ITGA9: variants seen among roughly 807,000 people sequenced by gnomAD.
ITGA9 encodes integrin subunit alpha 9.
A neutral mutation model predicts 127.8 loss-of-function variants in ITGA9; 56 were observed. That is an observed-to-expected ratio of 0.44 (90% confidence interval 0.35 to 0.55). The LOEUF (loss-of-function observed/expected upper bound fraction) is 0.55, where lower values mean the gene tolerates loss of function less well. ITGA9 is among the 20% of genes least tolerant of loss of function. ITGA9 has a pLI of 0.00. For synonymous variants in ITGA9, 508 were observed against 514.5 expected (o/e 0.99, Z 0.17); for missense variants, 1,196 against 1,347.1 (o/e 0.89, Z 1.76).
intron 17 of ITGA9, among the ~76,000 whole-genome samples, chr3:37,672,975 A>G (rs1417337753): frequency 6.6e-6 from 1 of 152,002 alleles, no homozygotes; most frequent in Non-Finnish European, 1.5e-5. Flanking sequence ...AATATTTGCC[A>G]CAATCTCTAG....
chr3:37,741,435 C>G (rs192232222), intron 20 of ITGA9, among the ~76,000 whole-genome samples: 4 of 152,316 alleles, frequency 2.6e-5, no homozygotes, highest in East Asian at 1.9e-4. Context: ...GTATGGCATG[C>G]CTTTATTGTC....
intron 23 of ITGA9, among the ~76,000 whole-genome samples, chr3:37,773,983 G>A (rs1035199344): frequency 6.6e-6 from 1 of 152,064 alleles, no homozygotes; most frequent in Non-Finnish European, 1.5e-5. Flanking sequence ...GAGATTGATG[G>A]GTTTCATTTC....
At chr3:37,495,241 C>T (rs2125565859) in intron 5 of ITGA9, among the ~76,000 whole-genome samples, 1 of 152,306 alleles carries the variant, frequency 6.6e-6, no homozygotes, top group East Asian at 1.9e-4. Context: ...GCTGAGCCAC[C>T]ACACCCGGCC....
chr3:37,542,755 C>T (rs1699287241), intron 15 of ITGA9, among the ~76,000 whole-genome samples, 170 bp downstream of exon 15: 1 of 152,108 alleles, frequency 6.6e-6, no homozygotes, highest in South Asian at 2.1e-4. Flanking sequence ...TCTGACAGCC[C>T]TTTTATTTAT....
At position 37,823,056 on chromosome 3, in the gene ITGA9, G is replaced by A. The variant is rs1371055708; in HGVS notation, c.*4067G>A. The A allele has an allele frequency of 6.6e-6, 1 of 152,176 alleles. No individual in the cohort carries two copies. The highest frequency in any genetic ancestry group is 1.5e-5 in the Non-Finnish European group (1 of 68,026). The allele number at this position is 152,176 out of a possible 1,614,324, so 9.4% of individuals were successfully genotyped here. ...GAGAATATTCAAAGAGTGGCTGAAGGGAGAATACAGAGCCAGTAGGGCCAA... is the reference window on the plus strand; with the variant it reads ...GAGAATATTCAAAGAGTGGCTGAAGAGAGAATACAGAGCCAGTAGGGCCAA... On this transcript the variant is annotated 3_prime_UTR_variant, in exon 28 of 28. Coordinates refer to ENST00000264741, the MANE Select transcript of ITGA9 (RefSeq NM_002207.3).
chr3:37,523,720 A>G lies in ITGA9; in HGVS notation c.1327+109A>G, dbSNP rs149226108. The G allele has an allele frequency of 3.9e-5, 32 of 812,418 alleles. No homozygotes were observed. In the African/African-American group the frequency reaches 4.6e-4, roughly 12 times the overall value. The allele number at this position is 812,418 out of a possible 1,614,324, so 50.3% of individuals were successfully genotyped here. A position where few individuals can be genotyped will look rare whatever the true frequency, so the allele number is the denominator to read the frequency against. ...ATCACATCCATTTAGGATTAGGACA[A>G]TTCACACAATAGAATAGGGTGTTTT... On this transcript the variant is annotated intron_variant, in intron 12 of 27. Transcript: ENST00000264741.
intron 11 of ITGA9, among the ~76,000 whole-genome samples, chr3:37,523,309 G>T (rs902176910): frequency 1.3e-5 from 2 of 152,068 alleles, no homozygotes; most frequent in African/African-American, 4.8e-5. Context: ...AATTTTAAAT[G>T]ATGACGTTTG....
chr3:37,453,741 A>G (rs545278074), intron 1 of ITGA9, among the ~76,000 whole-genome samples: 25 of 152,318 alleles, frequency 1.6e-4, no homozygotes, highest in South Asian at 1.2e-3. Context: ...TGTATTGGAC[A>G]GAGGCTGATG....
At chr3:37,759,872 C>T (rs1053174523) in intron 23 of ITGA9, among the ~76,000 whole-genome samples, 10 of 149,110 alleles carry the variant, frequency 6.7e-5, no homozygotes, top group African/African-American at 2.5e-4. Flanking sequence ...CCACTGCACT[C>T]CAGCCTGAAT....
At chr3:37,674,697 T>C (rs750147624) in intron 17 of ITGA9, among the ~76,000 whole-genome samples, 9 of 152,176 alleles carry the variant, frequency 5.9e-5, no homozygotes, top group Non-Finnish European at 1.2e-4. Flanking sequence ...AGAGAACTGG[T>C]ACAGCTCCCC....
Position 37,716,857 on chromosome 3 carries a change from A to G in ITGA9, c.2068-15855A>G, listed in dbSNP as rs990815957. ...CTTGGAAGGCAAAGCCTGTCTCCCT[A>G]TATTGTTCTTAAAAATACAAAAGGG... On this transcript the variant is annotated intron_variant, in intron 18 of 27. Transcript: ENST00000264741. Among the ~76,000 whole-genome samples, 3 of 152,226 alleles carry G rather than the reference A, an allele frequency of 2.0e-5. No homozygotes were observed. In the South Asian group the frequency reaches 6.2e-4, roughly 32 times the overall value.
At chr3:37,662,298 G>A (rs1700543714) in intron 17 of ITGA9, among the ~76,000 whole-genome samples, 1 of 152,108 alleles carries the variant, frequency 6.6e-6, no homozygotes, top group African/African-American at 2.4e-5. Context: ...AGCTACTCGG[G>A]AGGCTGAGGT....
In ITGA9 at chr3:37,533,357, G is replaced by A. The variant is rs776383720; in HGVS notation, c.1417G>A (p.Gly473Ser). 28 of 1,614,150 alleles carry A rather than the reference G, an allele frequency of 1.7e-5. No individual in the cohort carries two copies. The South Asian group carries it at 1.9e-4, about 11-fold the overall frequency. ...ITVDVSIFLP[G>S]SINITAPQCH... The stretch of plus-strand genomic sequence containing the variant: ...GGTGGATGTCTCCATCTTCCTCCCG[G>A]GCTCCATCAACATCACAGCGCCTCA... Residue 473 changes from glycine (G) to serine (S), a missense_variant, in exon 14 of 28, where the codon GGC becomes AGC. By Grantham distance (56) the Gly-to-Ser change is moderately conservative. Transcript: ENST00000264741.
intron 18 of ITGA9, among the ~76,000 whole-genome samples, chr3:37,705,029 G>C (rs534347277): frequency 2.0e-5 from 3 of 152,200 alleles, no homozygotes; most frequent in Non-Finnish European, 4.4e-5. Flanking sequence ...GAGGTCTAAA[G>C]GTGTTAGTTC....
At chr3:37,734,285 G>C (rs1248082126) in intron 19 of ITGA9, among the ~76,000 whole-genome samples, 2 of 152,336 alleles carry the variant, frequency 1.3e-5, no homozygotes, top group East Asian at 3.9e-4. Context: ...AGATAAAGGA[G>C]GACGACCACA....
chr3:37,614,362 C>T (rs1700053315), intron 15 of ITGA9, among the ~76,000 whole-genome samples: 3 of 152,126 alleles, frequency 2.0e-5, no homozygotes, highest in Admixed American at 2.0e-4. Flanking sequence ...GTTTTGGTTA[C>T]TGTAGCCTTG....
rs1243699909 is a variant in ITGA9, at chr3:37,820,124, A to C, written c.*1135A>C. Reference sequence around the variant, plus strand: ...TGTGCAAGTAACTTATTAAGGAAGTATTCCCAGGGGATACCAGTAAGAGAG... The same window carrying C: ...TGTGCAAGTAACTTATTAAGGAAGTCTTCCCAGGGGATACCAGTAAGAGAG... On this transcript the variant is annotated 3_prime_UTR_variant, in exon 28 of 28. Coordinates refer to ENST00000264741, the MANE Select transcript of ITGA9 (RefSeq NM_002207.3). 3 of 152,356 alleles carry C rather than the reference A, an allele frequency of 2.0e-5. No homozygotes were observed. The highest frequency in any genetic ancestry group is 3.4e-3 in the Middle Eastern group (1 of 294). The allele number at this position is 152,356 out of a possible 1,614,324, so 9.4% of individuals were successfully genotyped here.
chr3:37,575,127 A>C (rs1699640701), intron 15 of ITGA9, among the ~76,000 whole-genome samples: 1 of 152,152 alleles, frequency 6.6e-6, no homozygotes, highest in Non-Finnish European at 1.5e-5. Flanking sequence ...ATACGACCAC[A>C]GATGCTTCTC....
At chr3:37,495,528 C>T (rs1459547527) in intron 5 of ITGA9, among the ~76,000 whole-genome samples, 1 of 152,182 alleles carries the variant, frequency 6.6e-6, no homozygotes, top group African/African-American at 2.4e-5. Context: ...TCTAATTCAT[C>T]TGCAGTCCTG....
Sources: allele counts gnomAD v4.1 joint callset (sites outside exome capture counted in the v4.1 genomes callset), GRCh38; gene constraint gnomAD v4.1.1; transcripts MANE v1.5; gene names NCBI Gene and HGNC (gene_info 2026-07-23, HGNC 2026-07-21).